DLC1: variants seen among roughly 807,000 people sequenced by gnomAD.
DLC1 encodes rho GTPase-activating protein 7.
DLC1 carries 54 observed loss-of-function variants against 140.3 expected under a neutral mutation model. The observed-to-expected ratio is 0.38, with a 90% CI of 0.31 to 0.48. DLC1 has a LOEUF of 0.48. Among genes scored for constraint, DLC1 ranks in the 20% least tolerant of loss-of-function variants. The pLI, the probability that DLC1 is intolerant of heterozygous loss-of-function variation, is 0.96. For missense variants in DLC1, 2,536 were observed against 1,907.0 expected, an observed-to-expected ratio of 1.33 and a Z score of -6.14; for synonymous variants, 986 against 728.1, an observed-to-expected ratio of 1.35 and a Z score of -5.70.
intron 17 of DLC1, 23 bp downstream of exon 17, chr8:13,086,267 A>C (rs1396206299): frequency 6.2e-7 from 1 of 1,603,500 alleles, no homozygotes; most frequent in African/African-American, 1.3e-5. Context: ...TCACCATATA[A>C]AAAAATCAGA....
intron 1 of DLC1, among the ~76,000 whole-genome samples, chr8:13,532,534 A>G (rs1803133851): frequency 6.6e-6 from 1 of 152,166 alleles, no homozygotes; most frequent in South Asian, 2.1e-4. Context: ...CAGAGTCCCC[A>G]CATGGGAAAG....
At chr8:13,218,440 G>A (rs1306403800) in intron 5 of DLC1, among the ~76,000 whole-genome samples, 1 of 151,996 alleles carries the variant, frequency 6.6e-6, no homozygotes, top group African/African-American at 2.4e-5. Context: ...TTGATAAAGA[G>A]ACAACCCAAA....
At chr8:13,396,945 C>G (rs60049053) in intron 3 of DLC1, among the ~76,000 whole-genome samples, 2 of 152,044 alleles carry the variant, frequency 1.3e-5, no homozygotes, top group African/African-American at 4.8e-5. Context: ...TACCCGCCCC[C>G]CCCAACCCAA....
At chr8:13,506,624 C>G (rs1213802192) in intron 1 of DLC1, among the ~76,000 whole-genome samples, 1 of 143,366 alleles carries the variant, frequency 7.0e-6, no homozygotes, top group Non-Finnish European at 1.5e-5. Context: ...TATATATACA[C>G]ACAGAGAGAC....
intron 2 of DLC1, among the ~76,000 whole-genome samples, chr8:13,414,482 A>G (rs2117313902): frequency 6.6e-6 from 1 of 152,278 alleles, no homozygotes; most frequent in Non-Finnish European, 1.5e-5. Flanking sequence ...CCTATGACTC[A>G]TCGGGATTGC....
At chr8:13,157,102 C>T (rs1195654538) in intron 5 of DLC1, among the ~76,000 whole-genome samples, 4 of 152,212 alleles carry the variant, frequency 2.6e-5, no homozygotes, top group African/African-American at 4.8e-5. Context: ...GCTGACCCTG[C>T]AAACTTAATT....
intron 5 of DLC1, among the ~76,000 whole-genome samples, chr8:13,122,852 G>C (rs1443717914): frequency 2.0e-5 from 3 of 149,702 alleles, no homozygotes; most frequent in Admixed American, 6.6e-5. Flanking sequence ...CAGTCACTAA[G>C]TCAGTTTCTT....
chr8:13,514,396 A>G (rs1802511585), intron 1 of DLC1, among the ~76,000 whole-genome samples: 2 of 152,226 alleles, frequency 1.3e-5, no homozygotes, highest in South Asian at 2.1e-4. Flanking sequence ...TTAAATCTAT[A>G]TGGAGCCTGT....
chr8:13,240,766 C>T (rs1013654955), intron 5 of DLC1, among the ~76,000 whole-genome samples: 3 of 152,114 alleles, frequency 2.0e-5, no homozygotes, highest in Non-Finnish European at 4.4e-5. Flanking sequence ...CTTTCACTGC[C>T]TAAGTTGGTG....
chr8:13,202,161 G>A (rs1322132109), intron 5 of DLC1, among the ~76,000 whole-genome samples: 1 of 151,972 alleles, frequency 6.6e-6, no homozygotes, highest in African/African-American at 2.4e-5. Flanking sequence ...GGCCAGGATG[G>A]TCTTGATCTC....
intron 1 of DLC1, among the ~76,000 whole-genome samples, chr8:13,574,610 A>G (rs1804773808): frequency 1.3e-5 from 2 of 152,238 alleles, no homozygotes; most frequent in Admixed American, 1.3e-4. Flanking sequence ...TTATATGATT[A>G]TAATATATAC....
rs78319946 is a variant in DLC1, at chr8:13,434,249, T to C, written c.1024-32630A>G. Among the ~76,000 whole-genome samples the C allele has an allele frequency of 7.1e-3, 1,087 of 152,326 alleles. 16 individuals are homozygous for C. The highest frequency in any genetic ancestry group is 0.025 in the African/African-American group (1,021 of 41,572). On this transcript the variant is annotated intron_variant, in intron 2 of 17. Transcript: ENST00000276297. ...ACTTTTACAAATGAGGATGATGTCA[T>C]AACTAGCTAACAATAGAGGTGAGAT...
chr8:13,354,233 C>A (rs909781903), intron 4 of DLC1, among the ~76,000 whole-genome samples: 3 of 152,078 alleles, frequency 2.0e-5, no homozygotes, highest in African/African-American at 7.2e-5. Flanking sequence ...TTCTAGGAAG[C>A]CTTTCATGGC....
At chr8:13,221,874 T>C (rs1828574141) in intron 5 of DLC1, among the ~76,000 whole-genome samples, 2 of 143,842 alleles carry the variant, frequency 1.4e-5, no homozygotes, top group South Asian at 2.1e-4. Flanking sequence ...TAAAATATAT[T>C]AATACATTAA....
intron 2 of DLC1, among the ~76,000 whole-genome samples, chr8:13,475,278 A>T (rs936809000): frequency 2.7e-4 from 41 of 152,360 alleles, no homozygotes; most frequent in African/African-American, 9.9e-4. Context: ...GTTCCCTACG[A>T]TATAGCACAG....
intron 5 of DLC1, among the ~76,000 whole-genome samples, chr8:13,125,426 T>C (rs930412894): frequency 6.6e-5 from 10 of 152,250 alleles, no homozygotes; most frequent in Non-Finnish European, 1.2e-4. Flanking sequence ...CTTCAATGCA[T>C]AGAAGGCTCT....
intron 4 of DLC1, among the ~76,000 whole-genome samples, chr8:13,358,304 G>A (rs903831208): frequency 1.3e-5 from 2 of 152,130 alleles, no homozygotes; most frequent in Non-Finnish European, 2.9e-5. Context: ...GAAGAACCAC[G>A]AAAGCACTAA....
At chr8:13,537,717 G>A (rs1480949791) in intron 1 of DLC1, among the ~76,000 whole-genome samples, 3 of 134,618 alleles carry the variant, frequency 2.2e-5, no homozygotes, top group East Asian at 2.3e-4. Context: ...GCAGTGGCGC[G>A]ATCTCGGCTC....
intron 2 of DLC1, among the ~76,000 whole-genome samples, chr8:13,471,592 A>G (rs1188798415): frequency 6.6e-6 from 1 of 152,000 alleles, no homozygotes; most frequent in Non-Finnish European, 1.5e-5. Context: ...TACAAGGCTC[A>G]ATACCTGGGT....
Sources: allele counts gnomAD v4.1 joint callset (sites outside exome capture counted in the v4.1 genomes callset), GRCh38; gene constraint gnomAD v4.1.1; transcripts MANE v1.5; gene names NCBI Gene and HGNC (gene_info 2026-07-23, HGNC 2026-07-21).